Variants in DLG5 observed in about 807,000 individuals in gnomAD.
DLG5 encodes the protein disks large homolog 5.
In DLG5, 48 loss-of-function variants were observed where a neutral mutation model predicts 189.8. The ratio of observed to expected loss-of-function variants is 0.25; its 90% confidence interval spans 0.20 to 0.32. DLG5 has a LOEUF of 0.32. Ranked by LOEUF, DLG5 falls within the 10% of genes least tolerant of loss-of-function variation. The probability of loss-of-function intolerance (pLI) is 1.00; values close to 1 mark genes in which losing one functional copy is unlikely to be tolerated. For missense variants in DLG5, 2,160 were observed against 2,544.7 expected (o/e 0.85, Z 3.25); for synonymous variants, 1,016 against 1,054.1 (o/e 0.96, Z 0.70).
rs772750069 is a variant in DLG5 at position 77,819,879 on chromosome 10, T to C, written c.3526+16A>G. ...TACACCGACCCTCAGCCCCAGCCCC[T>C]GGCTGGCTGACTCACCCACAGACGG... On this transcript the variant is annotated intron_variant, in intron 16 of 31. Transcript: ENST00000372391. The C allele has an allele frequency of 1.9e-6, 3 of 1,541,168 alleles. No individual in the cohort carries two copies. Among genetic ancestry groups the C allele is most frequent in the African/African-American group, 2.7e-5 (2 of 72,814 alleles).
intron 20 of DLG5, among the ~76,000 whole-genome samples, chr10:77,815,067 T>C (rs1841984369): frequency 6.6e-6 from 1 of 151,968 alleles, no homozygotes; most frequent in South Asian, 2.1e-4. Flanking sequence ...GTCCTGGCTC[T>C]CCGTGCCCTG....
chr10:77,832,134 G>A (rs530638047), intron 9 of DLG5, among the ~76,000 whole-genome samples: 1 of 152,276 alleles, frequency 6.6e-6, no homozygotes, highest in East Asian at 1.9e-4. Context: ...CCTGAACCCA[G>A]GAAGCAGAGG....
At chr10:77,829,040 G>A (rs1842780284) in intron 12 of DLG5, 55 bp from the exon 13 acceptor site, 2 of 1,559,352 alleles carry the variant, frequency 1.3e-6, no homozygotes, top group Admixed American at 3.4e-5. Context: ...CCAGCCCTGG[G>A]TCACCCTACC....
At chr10:77,839,353 T>C (rs908016235) in intron 7 of DLG5, among the ~76,000 whole-genome samples, 2 of 151,864 alleles carry the variant, frequency 1.3e-5, no homozygotes, top group Non-Finnish European at 1.5e-5. Context: ...ATACAAAAAT[T>C]AGCTGGGCGT....
At chr10:77,924,814 C>T (rs1157676448) in intron 1 of DLG5, among the ~76,000 whole-genome samples, 3 of 150,668 alleles carry the variant, frequency 2.0e-5, no homozygotes, top group African/African-American at 7.3e-5. Flanking sequence ...AATGAAATGA[C>T]CTGCTGTGTG....
At chr10:77,811,347 G>T in intron 22 of DLG5, 113 bp from the exon 23 acceptor site, 1 of 1,360,646 alleles carries the variant, frequency 7.3e-7, no homozygotes, top group Non-Finnish European at 9.9e-7. Context: ...ACATAGCCCT[G>T]CACCCTGTGC....
chr10:77,798,996 T>TA (rs960012914), intron 27 of DLG5, among the ~76,000 whole-genome samples: 1 of 152,048 alleles, frequency 6.6e-6, no homozygotes, highest in Non-Finnish European at 1.5e-5. Flanking sequence ...TGTTAATGGT[T>TA]AAAAAAAACC....
At chr10:77,902,783 CCAG>C (rs1302564402) in intron 1 of DLG5, among the ~76,000 whole-genome samples, 2 of 151,728 alleles carry the variant, frequency 1.3e-5, no homozygotes, top group African/African-American at 4.8e-5. Context: ...TGGCGTGAAC[CCAG>C]CAGGCGGAGC....
chr10:77,805,634 A>G (rs1454067916), intron 27 of DLG5, 31 bp downstream of exon 27: 1 of 1,583,346 alleles, frequency 6.3e-7, no homozygotes, highest in Admixed American at 1.7e-5. Context: ...CCATCTGGAG[A>G]GCCCACTGGA....
chr10:77,820,079 C>T (rs1056563717), intron 15 of DLG5, 61 bp from the exon 16 acceptor site: 15 of 1,600,854 alleles, frequency 9.4e-6, no homozygotes, highest in Middle Eastern at 3.3e-4. Flanking sequence ...GGCGCAGTGG[C>T]TCACACCTAT....
At position 77,865,534 on chromosome 10, in the gene DLG5, A is replaced by G. The variant is rs570234036; in HGVS notation, c.373+3595T>C. Among the ~76,000 whole-genome samples, 4 of 152,360 alleles carry G rather than the reference A, an allele frequency of 2.6e-5. No individual in the cohort carries two copies. In the East Asian group the frequency reaches 7.7e-4, roughly 29 times the overall value. ...CTTCATGGAATTTAAGGCTGGCTTT[A>G]TAAGTGCTGCCCAAGAATGTCTCTT... On this transcript the variant is annotated intron_variant, in intron 2 of 31. Transcript: ENST00000372391.
chr10:77,795,992 A>G lies in DLG5; in HGVS notation c.5436+69T>C, dbSNP rs1288875122. ...CCGCTGGGGCAGAGGATCACGGACC[A>G]GGGGCCTAGACCTGTGCACAGGAGG... On this transcript the variant is annotated intron_variant, in intron 29 of 31. Transcript: ENST00000372391. 5.0e-6 allele frequency: 8 copies of G among 1,604,336 alleles called. No homozygotes were observed. The South Asian group carries it at 7.7e-5, about 15-fold the overall frequency.
intron 5 of DLG5, among the ~76,000 whole-genome samples, chr10:77,846,420 C>T (rs1263649133): frequency 1.3e-5 from 2 of 152,196 alleles, no homozygotes; most frequent in Non-Finnish European, 2.9e-5. Context: ...TACTTCAGGC[C>T]GGGCGCAGTG....
chr10:77,894,727 C>T (rs749115680), intron 1 of DLG5, among the ~76,000 whole-genome samples: 8 of 151,998 alleles, frequency 5.3e-5, no homozygotes, highest in Non-Finnish European at 8.8e-5. Context: ...TGATTCCCAG[C>T]GTACCCCTTC....
intron 24 of DLG5, among the ~76,000 whole-genome samples, chr10:77,808,377 C>T (rs1418413368): frequency 1.3e-5 from 2 of 152,164 alleles, no homozygotes. Flanking sequence ...AGTGATCCTC[C>T]CACCTCAGCC....
In DLG5 at chr10:77,802,183, A is replaced by G. The variant is rs117382122; in HGVS notation, c.5164+3482T>C. Among the ~76,000 whole-genome samples, 763 of 152,294 alleles carry G rather than the reference A, an allele frequency of 5.0e-3. 18 individuals are homozygous for G. In the East Asian group the frequency reaches 0.072, roughly 14 times the overall value. ...TGAGTGTGGACTTCTGGCCTCCAGA[A>G]CTGTGGGAGGATAAACCTGTGTGTT... On this transcript the variant is annotated intron_variant, in intron 27 of 31. Transcript: ENST00000372391.
chr10:77,838,294 CAACA>C (rs1208122840), intron 7 of DLG5, among the ~76,000 whole-genome samples: 2 of 152,188 alleles, frequency 1.3e-5, no homozygotes, highest in Non-Finnish European at 2.9e-5. Context: ...GAGATTTCTG[CAACA>C]GACAGCAGTG....
intron 27 of DLG5, among the ~76,000 whole-genome samples, chr10:77,803,074 T>C (rs1423016033): frequency 6.6e-6 from 1 of 151,776 alleles, no homozygotes; most frequent in Non-Finnish European, 1.5e-5. Flanking sequence ...CCCAAAAGAA[T>C]AAAATAGAAA....
At chr10:77,801,970 G>A (rs1841228950) in intron 27 of DLG5, among the ~76,000 whole-genome samples, 1 of 152,234 alleles carries the variant, frequency 6.6e-6, no homozygotes, top group African/African-American at 2.4e-5. Flanking sequence ...AGGGAGTTGA[G>A]AGAGAGACCC....
Sources: gnomAD v4.1 joint callset for allele counts (sites outside exome capture counted in the v4.1 genomes callset) on GRCh38, gnomAD v4.1.1 for gene constraint, MANE v1.5 for transcripts, NCBI Gene and HGNC (gene_info 2026-07-23, HGNC 2026-07-21) for gene names.